Variants in DPEP2 observed in about 807,000 individuals in gnomAD.
The protein encoded by DPEP2 is dipeptidase 2.
Under a neutral mutation model 51.8 loss-of-function variants are expected in DPEP2, and 45 were observed. The ratio of observed to expected loss-of-function variants is 0.87; its 90% CI spans 0.68 to 1.11. The LOEUF is 1.11. Ranked by LOEUF, DPEP2 falls within the 50% of genes most tolerant of loss-of-function variation. The pLI is 0.00. For synonymous variants in DPEP2, 255 were observed against 262.7 expected, an observed-to-expected ratio of 0.97 and a Z score of 0.28; for missense variants, 604 against 631.9, an observed-to-expected ratio of 0.96 and a Z score of 0.47.
chr16:67,993,039 G>T lies in DPEP2; in HGVS notation c.174C>A (p.Tyr58Ter). Residue 58 changes from tyrosine (Y) to a stop codon, truncating the protein, a stop_gained, in exon 2 of 11, where the codon TAC (tyrosine) becomes TAA (stop). Coordinates refer to ENST00000393847, the MANE Select transcript of DPEP2 (RefSeq NM_022355.4). LOFTEE classifies it high-confidence loss of function. The part of the protein sequence containing the change: ...APRAHTMPGT[Y>*]APSTTLSSPS... ...GACTACTGAGTGTGGTCGAGGGAGC[G>T]TAGGTGCCCGGCATGGTGTGGGCTC... 6.3e-7 allele frequency: 1 copy of T among 1,584,984 alleles called. No homozygotes were observed. Among genetic ancestry groups the T allele is most frequent in the Admixed American group, 1.8e-5 (1 of 55,892 alleles).
intron 1 of DPEP2, chr16:67,993,722 T>A (rs2032478000): frequency 1.0e-6 from 1 of 986,096 alleles, no homozygotes; most frequent in African/African-American, 1.7e-5. Context: ...TGTGTCCCTG[T>A]GACCACAGTG....
chr16:67,990,217 G>A, intron 7 of DPEP2, 86 bp from the exon 8 acceptor site: 2 of 1,339,352 alleles, frequency 1.5e-6, no homozygotes, highest in Middle Eastern at 4.6e-4. Flanking sequence ...CCTGGAGAGG[G>A]TGTTCAGCTC....
intron 1 of DPEP2, among the ~76,000 whole-genome samples, chr16:67,995,604 C>T (rs2032643003): frequency 6.6e-6 from 1 of 152,148 alleles, no homozygotes; most frequent in Non-Finnish European, 1.5e-5. Context: ...ATTCTGAGAG[C>T]CCCAAGAGGT....
In DPEP2 at chr16:67,987,952, G is replaced by A. The variant is rs752877869; in HGVS notation, c.1106C>T (p.Pro369Leu). 9 of 1,614,010 alleles carry A rather than the reference G, an allele frequency of 5.6e-6. No individual in the cohort carries two copies. The highest frequency in any genetic ancestry group is 4.0e-5 in the African/African-American group (3 of 74,890). ...ACTCAGCAACTCCTCTATCAGGACC[G>A]GGTATGTGGACACGTCTTCCAGCCC... Reference protein sequence around the residue: ...PQGLEDVSTYPVLIEELLSRG... With the variant: ...PQGLEDVSTYLVLIEELLSRG... Residue 369 changes from proline to leucine, a missense_variant, in exon 10 of 11, where the codon CCG becomes CTG. Transcript: ENST00000393847.
intron 2 of DPEP2, 44 bp from the exon 3 acceptor site, chr16:67,992,680 G>A (rs1225826685): frequency 3.1e-6 from 5 of 1,595,724 alleles, no homozygotes; most frequent in Non-Finnish European, 4.3e-6. Flanking sequence ...ACAGACAGAT[G>A]GGCCTCTTAG....
upstream of DPEP2, among the ~76,000 whole-genome samples, chr16:68,000,234 C>T (rs1287533234): frequency 6.6e-6 from 1 of 152,162 alleles, no homozygotes; most frequent in African/African-American, 2.4e-5. Context: ...CTCTTCTATG[C>T]AGTGTTTGCA....
At position 67,987,900 on chromosome 16, in the gene DPEP2, C is replaced by T. The variant is rs199768673; in HGVS notation, c.1158G>A (p.Gln386=). The change falls in exon 10 of 11, where the codon CAG becomes CAA. Residue 386 remains glutamine, a synonymous_variant. Transcript: ENST00000393847. ...LSRGWSEEEL[Q]GVLRGNLLRV... ...GCAGCAGGTTTCCACGAAGGACACC[C>T]TGAAGCTCTTCCTCACTCCAGCCAC... 1.5e-5 allele frequency: 25 copies of T among 1,614,092 alleles called. No homozygotes were observed. Among genetic ancestry groups the T allele is most frequent in the Non-Finnish European group, 1.9e-5 (23 of 1,180,048 alleles).
Position 67,991,695 on chromosome 16 carries a change from C to G in DPEP2, c.662+143G>C. On this transcript the variant is annotated intron_variant, in intron 5 of 10. Coordinates refer to ENST00000393847, the MANE Select transcript of DPEP2 (RefSeq NM_022355.4). The surrounding 1 kb of genome is among the most constrained non-coding windows in gnomAD (Gnocchi z 5.1). ...GTCTGGCCAGGGGTCAAGTCGTATT[C>G]TGAAAACCAGAATCCCAGCTCCCCT... The G allele has an allele frequency of 7.7e-7, 1 of 1,300,086 alleles. No individual in the cohort carries two copies. Among genetic ancestry groups the G allele is most frequent in the Non-Finnish European group, 1.0e-6 (1 of 967,676 alleles). The allele number at this position is 1,300,086 out of a possible 1,614,324, so 80.5% of individuals were successfully genotyped here. A position where few individuals can be genotyped will look rare whatever the true frequency, so the allele number is the denominator to read the frequency against.
At position 67,991,370 on chromosome 16, in the gene DPEP2, C is replaced by CTT. The variant is rs918452974; in HGVS notation, c.663-188_663-187dup. Among the ~76,000 whole-genome samples the CTT allele has an allele frequency of 4.8e-4, 66 of 137,450 alleles. No homozygotes were observed. Among genetic ancestry groups the CTT allele is most frequent in the African/African-American group, 1.4e-3 (53 of 37,410 alleles). 90.2% of individuals were successfully genotyped at this position (137,450 alleles called of 152,430 possible). A position where few individuals can be genotyped will look rare whatever the true frequency, so the allele number is the denominator to read the frequency against. ...TGGGTCCAGTCTTTTTTTTCCTTTTCTTTTTTTTTTTTTTTTGGCAATAGA... is the reference window on the plus strand; with the variant it reads ...TGGGTCCAGTCTTTTTTTTCCTTTTCTTTTTTTTTTTTTTTTTTGGCAATAGA... On this transcript the variant is annotated intron_variant, in intron 5 of 10. Transcript: ENST00000393847. The surrounding 1 kb of genome is among the most constrained non-coding windows in gnomAD (Gnocchi z 5.1).
rs778313366 is a variant in DPEP2, at chr16:67,987,667, G to A, written c.1300C>T (p.Arg434Cys). The A allele has an allele frequency of 2.0e-5, 32 of 1,614,190 alleles. No homozygotes were observed. Among genetic ancestry groups the A allele is most frequent in the Non-Finnish European group, 2.5e-5 (29 of 1,180,038 alleles). ...CCTGAAGTCAGACTCTGTCTCTGAC[G>A]CAGACGTGAGAGGTCGGAGTGGCAG... ...SSCHSDLSRL[R>C]QRQSLTSGQE... Residue 434 changes from arginine (R) to cysteine (C), a missense_variant, in exon 11 of 11, where the codon CGT becomes TGT. Transcript: ENST00000393847.
chr16:67,990,969 C>A lies in DPEP2; in HGVS notation c.761G>T (p.Gly254Val), dbSNP rs1406378345. The A allele has an allele frequency of 6.2e-7, 1 of 1,614,120 alleles. No individual in the cohort carries two copies. Among genetic ancestry groups the A allele is most frequent in the Non-Finnish European group, 8.5e-7 (1 of 1,179,944 alleles). ...GACATGGGATAAGTCTACCATCATG[C>A]CCAGGCGGTTCATTTCTGCCACCAC... ...EKVVAEMNRL[G>V]MMVDLSHVSD... The change falls in exon 7 of 11, where the codon GGC becomes GTC. Residue 254 changes from glycine to valine, a missense_variant. Coordinates refer to ENST00000393847, the MANE Select transcript of DPEP2 (RefSeq NM_022355.4).
At chr16:67,990,018 T>C in intron 8 of DPEP2, 29 bp downstream of exon 8, 2 of 1,612,748 alleles carry the variant, frequency 1.2e-6, no homozygotes, top group South Asian at 2.2e-5. Context: ...AAATCAGAAC[T>C]GTTCAGAGAG....
chr16:67,996,030 G>A (rs1433565670), intron 1 of DPEP2, among the ~76,000 whole-genome samples: 1 of 151,912 alleles, frequency 6.6e-6, no homozygotes, highest in Admixed American at 6.6e-5. Context: ...CCATGAATAT[G>A]TGCAAATTAT....
chr16:67,992,877 C>G, intron 2 of DPEP2, 73 bp downstream of exon 2: 1 of 1,533,228 alleles, frequency 6.5e-7, no homozygotes, highest in Non-Finnish European at 8.8e-7. Flanking sequence ...CTCCACAGCC[C>G]TGCATACTCT....
intron 1 of DPEP2, among the ~76,000 whole-genome samples, chr16:67,997,487 G>A (rs1410306949): frequency 6.6e-6 from 1 of 152,140 alleles, no homozygotes; most frequent in Non-Finnish European, 1.5e-5. Flanking sequence ...CTCCCGAGTA[G>A]CTGGGACTAT....
intron 4 of DPEP2, 31 bp downstream of exon 4, chr16:67,992,033 A>G: frequency 1.2e-6 from 2 of 1,614,024 alleles, no homozygotes; most frequent in Non-Finnish European, 1.7e-6. Flanking sequence ...AGCTCAATCA[A>G]GTTCCTAACG....
intron 2 of DPEP2, 106 bp from the exon 3 acceptor site, chr16:67,992,742 A>G: frequency 1.3e-6 from 2 of 1,537,932 alleles, no homozygotes; most frequent in Admixed American, 1.9e-5. Flanking sequence ...TCATTGTCAC[A>G]TGACTATACT....
rs1012680301 is a variant in DPEP2, at chr16:67,992,157, G to A, written c.427C>T (p.Arg143Trp). Reference protein sequence around the residue: ...SAYVPCQTQDRDALRLTLEQI... With the variant: ...SAYVPCQTQDWDALRLTLEQI... ...TCCAGGGTGAGGCGCAGGGCATCCCGGTCCTGGGTCTGGCATGGCACATAG... is the reference window on the plus strand; with the variant it reads ...TCCAGGGTGAGGCGCAGGGCATCCCAGTCCTGGGTCTGGCATGGCACATAG... The change falls in exon 4 of 11, where the codon CGG (arginine) becomes TGG (tryptophan). Residue 143 changes from arginine (R) to tryptophan (W), a missense_variant. Physicochemically the swap from Arg to Trp is moderately radical, Grantham distance 101 (BLOSUM62 -3). Coordinates refer to ENST00000393847, the MANE Select transcript of DPEP2 (RefSeq NM_022355.4). The A allele has an allele frequency of 3.7e-6, 6 of 1,614,066 alleles. No individual in the cohort carries two copies. The highest frequency in any genetic ancestry group is 5.1e-6 in the Non-Finnish European group (6 of 1,180,040).
In DPEP2 at chr16:67,995,755, G is replaced by A. The variant is rs954497311; in HGVS notation, c.-45-2498C>T. 4.6e-5 allele frequency among the ~76,000 whole-genome samples: 7 copies of A among 152,290 alleles called. No homozygotes were observed. The East Asian group carries it at 7.7e-4, about 17-fold the overall frequency. On this transcript the variant is annotated intron_variant, in intron 1 of 10. Coordinates refer to ENST00000393847, the MANE Select transcript of DPEP2 (RefSeq NM_022355.4). ...GAGGTGGGTGGATCATCTGAGGTCAGGAGTTCGAGACCAGCTTGGCCAACA... is the reference window on the plus strand; with the variant it reads ...GAGGTGGGTGGATCATCTGAGGTCAAGAGTTCGAGACCAGCTTGGCCAACA...
Sources: gnomAD v4.1 joint callset for allele counts (sites outside exome capture counted in the v4.1 genomes callset) on GRCh38, gnomAD v4.1.1 for gene constraint, Gnocchi (gnomAD v3.1) non-coding constraint, MANE v1.5 for transcripts, NCBI Gene and HGNC (gene_info 2026-07-23, HGNC 2026-07-21) for gene names.